The following GREM2 variants were observed in gnomAD, a reference collection of about 807,000 sequenced individuals.
The protein encoded by GREM2 is gremlin-2.
In GREM2, 11 loss-of-function variants were observed where a neutral mutation model predicts 14.2. The ratio of observed to expected loss-of-function variants is 0.78; its 90% CI spans 0.49 to 1.28. The LOEUF is 1.28. Ranked by LOEUF, GREM2 falls within the 50% of genes most tolerant of loss-of-function variation. The pLI is 0.00. For synonymous variants in GREM2, 98 were observed against 97.6 expected, an observed-to-expected ratio of 1.00 and a Z score of -0.02; for missense variants, 210 against 218.5, an observed-to-expected ratio of 0.96 and a Z score of 0.24.
At chr1:240,576,418 C>T (rs1445970957) in intron 1 of GREM2, among the ~76,000 whole-genome samples, 1 of 152,184 alleles carries the variant, frequency 6.6e-6, no homozygotes, top group Non-Finnish European at 1.5e-5. Context: ...CAGCTGGTCA[C>T]GTTACTAGCA....
At chr1:240,509,437 T>G (rs982521441) in intron 1 of GREM2, among the ~76,000 whole-genome samples, 1 of 150,694 alleles carries the variant, frequency 6.6e-6, no homozygotes, top group East Asian at 2.0e-4. Flanking sequence ...GGCACGATCT[T>G]GGCTCACTGC....
At chr1:240,602,493 G>A (rs1467610394) in intron 1 of GREM2, among the ~76,000 whole-genome samples, 5 of 152,028 alleles carry the variant, frequency 3.3e-5, no homozygotes, top group Non-Finnish European at 7.4e-5. Flanking sequence ...GATAAAAATA[G>A]TTATAATTCC....
At chr1:240,551,952 T>C (rs188050619) in intron 1 of GREM2, among the ~76,000 whole-genome samples, 1 of 152,016 alleles carries the variant, frequency 6.6e-6, no homozygotes, top group Non-Finnish European at 1.5e-5. Context: ...AATAAGAGGG[T>C]GTATCTAAGA....
At chr1:240,599,050 C>G (rs1027483460) in intron 1 of GREM2, among the ~76,000 whole-genome samples, 4 of 152,016 alleles carry the variant, frequency 2.6e-5, no homozygotes, top group Non-Finnish European at 5.9e-5. Flanking sequence ...AGGCAGATGA[C>G]TCGAGGTCAG....
intron 1 of GREM2, among the ~76,000 whole-genome samples, chr1:240,601,516 A>G (rs1398131799): frequency 6.6e-6 from 1 of 152,228 alleles, no homozygotes; most frequent in African/African-American, 2.4e-5. Context: ...GTGTAAAGTT[A>G]GGAAATTTAC....
At chr1:240,611,473 A>G (rs1680133462) in intron 1 of GREM2, among the ~76,000 whole-genome samples, 1 of 152,174 alleles carries the variant, frequency 6.6e-6, no homozygotes, top group African/African-American at 2.4e-5. Flanking sequence ...TAGGGAGGAT[A>G]TTAACCTGGT....
chr1:240,608,302 A>G (rs897107296), intron 1 of GREM2, among the ~76,000 whole-genome samples: 3 of 152,242 alleles, frequency 2.0e-5, no homozygotes, highest in Non-Finnish European at 4.4e-5. Flanking sequence ...ATCGTTTGAA[A>G]TGCTGATGAG....
chr1:240,525,918 G>A (rs917561930), intron 1 of GREM2, among the ~76,000 whole-genome samples: 5 of 152,146 alleles, frequency 3.3e-5, no homozygotes, highest in African/African-American at 9.7e-5. Flanking sequence ...CCTGCTTCTA[G>A]GAGTTGTGTA....
At chr1:240,532,656 GATA>G (rs1678389913) in intron 1 of GREM2, among the ~76,000 whole-genome samples, 1 of 81,318 alleles carries the variant, frequency 1.2e-5, no homozygotes, top group African/African-American at 5.0e-5. Context: ...TAGATAGATA[GATA>G]GATAGATAGA....
intron 1 of GREM2, among the ~76,000 whole-genome samples, chr1:240,557,221 A>G (rs1382634614): frequency 6.6e-6 from 1 of 151,696 alleles, no homozygotes; most frequent in Non-Finnish European, 1.5e-5. Context: ...TAAAATACAT[A>G]AAAAATAAAT....
intron 1 of GREM2, among the ~76,000 whole-genome samples, chr1:240,587,150 C>T (rs1177648932): frequency 6.6e-6 from 1 of 151,946 alleles, no homozygotes; most frequent in Non-Finnish European, 1.5e-5. Context: ...TATAGATCAG[C>T]AGAAAATTAA....
At chr1:240,580,685 C>T (rs1361242223) in intron 1 of GREM2, among the ~76,000 whole-genome samples, 2 of 152,194 alleles carry the variant, frequency 1.3e-5, no homozygotes, top group Admixed American at 1.3e-4. Context: ...AGCAATCCTC[C>T]TGCCTCAGCC....
intron 1 of GREM2, among the ~76,000 whole-genome samples, chr1:240,521,533 T>G (rs1231696855): frequency 2.0e-5 from 3 of 151,760 alleles, no homozygotes. Context: ...ATGGCACCAC[T>G]GCACTCCAGC....
intron 1 of GREM2, among the ~76,000 whole-genome samples, chr1:240,522,211 C>A (rs139099962): frequency 6.7e-6 from 1 of 149,898 alleles, no homozygotes; most frequent in Admixed American, 6.6e-5. Context: ...GAGAAAGAGA[C>A]GAAAAAAGGG....
chr1:240,587,371 G>A (rs1679619342), intron 1 of GREM2, among the ~76,000 whole-genome samples: 3 of 151,824 alleles, frequency 2.0e-5, no homozygotes, highest in Admixed American at 2.0e-4. Context: ...ACCCAGGCTG[G>A]AGGGCAGTAG....
intron 1 of GREM2, among the ~76,000 whole-genome samples, chr1:240,600,833 C>CT (rs2102870716): frequency 6.6e-6 from 1 of 152,238 alleles, no homozygotes; most frequent in East Asian, 1.9e-4. Context: ...GAACTATTAG[C>CT]TCCTTGAAAA....
intron 1 of GREM2, among the ~76,000 whole-genome samples, chr1:240,547,047 G>A (rs1392436971): frequency 1.3e-5 from 2 of 152,120 alleles, no homozygotes; most frequent in African/African-American, 2.4e-5. Context: ...GTGGTGCCTG[G>A]CCTGGCCTTA....
chr1:240,493,480 C>T lies in GREM2; in HGVS notation c.-1-4G>A. On this transcript the variant is annotated splice_region_variant and splice_polypyrimidine_tract_variant and intron_variant, in intron 1 of 1. Coordinates refer to ENST00000318160, the MANE Select transcript of GREM2 (RefSeq NM_022469.4). ...CAGGGAAAGCTTCCAGAACATCCTG[C>T]AAACGAGAAAAGAGAGGGGCTGGCT... is the stretch of plus-strand genomic sequence containing the variant. The T allele has an allele frequency of 1.3e-6, 2 of 1,596,734 alleles. No homozygotes were observed. The highest frequency in any genetic ancestry group is 1.7e-6 in the Non-Finnish European group (2 of 1,170,706).
At chr1:240,600,673 G>A (rs1245080229) in intron 1 of GREM2, among the ~76,000 whole-genome samples, 2 of 151,904 alleles carry the variant, frequency 1.3e-5, no homozygotes, top group South Asian at 2.1e-4. Context: ...TAATAGAGAC[G>A]GGGCTTCACC....
Sources: gnomAD v4.1 joint callset for allele counts (sites outside exome capture counted in the v4.1 genomes callset) on GRCh38, gnomAD v4.1.1 for gene constraint, MANE v1.5 for transcripts, NCBI Gene and HGNC (gene_info 2026-07-23, HGNC 2026-07-21) for gene names.